The following GUCY1A1 variants were observed in gnomAD, a reference collection of about 807,000 sequenced individuals.
GUCY1A1 encodes the protein guanylate cyclase 1 soluble subunit alpha 1, also known as guanylate cyclase soluble subunit alpha-1.
Under a neutral mutation model 64.5 loss-of-function variants are expected in GUCY1A1, and 48 were observed. That is an observed-to-expected ratio of 0.74 (90% CI 0.59 to 0.95). The LOEUF is 0.95. Among genes scored for constraint, GUCY1A1 ranks in the 40% least tolerant of loss-of-function variants. The pLI is 0.00. For synonymous variants in GUCY1A1, 308 were observed against 303.4 expected (o/e 1.02, Z -0.16); for missense variants, 804 against 825.3 (o/e 0.97, Z 0.32).
intron 2 of GUCY1A1, among the ~76,000 whole-genome samples, chr4:155,674,529 G>T (rs1734625726): frequency 6.6e-6 from 1 of 151,318 alleles, no homozygotes; most frequent in Non-Finnish European, 1.5e-5. Flanking sequence ...TATTCTAACA[G>T]ATTTTTTCTA....
intron 2 of GUCY1A1, among the ~76,000 whole-genome samples, chr4:155,682,510 A>G (rs995795555): frequency 1.3e-5 from 2 of 152,042 alleles, no homozygotes; most frequent in African/African-American, 4.8e-5. Flanking sequence ...TCTCTACTAA[A>G]AATACAAAAG....
In GUCY1A1 at chr4:155,722,161, C is replaced by T. The variant is rs1437690929; in HGVS notation, c.1840C>T (p.Arg614Ter). Residue 614 changes from arginine (R) to a stop codon, truncating the protein, a stop_gained, in exon 9 of 10, where the codon CGA (arginine) becomes TGA (stop). Coordinates refer to ENST00000506455, the MANE Select transcript of GUCY1A1 (RefSeq NM_001130682.3). LOFTEE classifies it high-confidence loss of function. The stretch of plus-strand genomic sequence containing the variant: ...CAAATTTGAGTCCTGCAGTGTACCA[C>T]GAAAAATCAATGTCAGCCCAACAAC... ...ANKFESCSVP[R>*]KINVSPTTYR... 10 of 1,612,288 alleles carry T rather than the reference C, an allele frequency of 6.2e-6. No individual in the cohort carries two copies. Among genetic ancestry groups the T allele is most frequent in the African/African-American group, 1.3e-5 (1 of 74,920 alleles).
chr4:155,713,678 C>T, intron 7 of GUCY1A1, 95 bp downstream of exon 7: 6 of 1,361,634 alleles, frequency 4.4e-6, no homozygotes, highest in Non-Finnish European at 6.1e-6. Context: ...AACTGAAAGG[C>T]CACCTCTGTA....
chr4:155,713,457 G>A lies in GUCY1A1; in HGVS notation c.1446G>A (p.Met482Ile). ...VQAKKFSNVT[M>I]LFSDIVGFTA... is the part of the protein sequence containing the mutation. ...CCAAGAAGTTCAGTAATGTCACCAT[G>A]CTCTTCTCAGACATCGTTGGGTTCA... is the stretch of plus-strand genomic sequence containing the variant. Residue 482 changes from methionine to isoleucine, a missense_variant, in exon 7 of 10, where the codon ATG becomes ATA. Coordinates refer to ENST00000506455, the MANE Select transcript of GUCY1A1 (RefSeq NM_001130682.3). The A allele has an allele frequency of 6.2e-7, 1 of 1,614,160 alleles. No individual in the cohort carries two copies. Among genetic ancestry groups the A allele is most frequent in the Non-Finnish European group, 8.5e-7 (1 of 1,180,010 alleles).
At chr4:155,680,358 T>G (rs1439784972) in intron 2 of GUCY1A1, among the ~76,000 whole-genome samples, 1 of 152,240 alleles carries the variant, frequency 6.6e-6, no homozygotes, top group African/African-American at 2.4e-5. Flanking sequence ...TAATGGAATT[T>G]TGTATATCAG....
At chr4:155,722,387 A>T (rs1734084118) in intron 9 of GUCY1A1, 195 bp downstream of exon 9, 1 of 1,398,218 alleles carries the variant, frequency 7.2e-7, no homozygotes, top group Non-Finnish European at 9.3e-7. Flanking sequence ...GACTTGCCTG[A>T]GGTGTTTGTG....
chr4:155,711,067 T>G lies in GUCY1A1; in HGVS notation c.902T>G (p.Phe301Cys), dbSNP rs764446987. The part of the protein sequence containing the change: ...MFDKDMTILQ[F>C]GNGIRRLMNR... ...GACAAAGATATGACAATTCTGCAAT[T>G]TGGCAATGGCATCAGAAGGCTGATG... The change falls in exon 6 of 10, where the codon TTT becomes TGT. Residue 301 changes from phenylalanine (F) to cysteine (C), a missense_variant. Physicochemically the swap from Phe to Cys is radical, Grantham distance 205. Transcript: ENST00000506455. 2.6e-5 allele frequency: 42 copies of G among 1,613,958 alleles called. No homozygotes were observed. The highest frequency in any genetic ancestry group is 3.5e-5 in the Non-Finnish European group (41 of 1,179,960).
chr4:155,722,042 G>A lies in GUCY1A1; in HGVS notation c.1721G>A (p.Arg574Gln), dbSNP rs1469450686. Residue 574 changes from arginine (R) to glutamine (Q), a missense_variant, in exon 9 of 10, where the codon CGA (arginine) becomes CAA (glutamine). Arg to Gln is a conservative substitution (Grantham distance 43). Coordinates refer to ENST00000506455, the MANE Select transcript of GUCY1A1 (RefSeq NM_001130682.3). Reference protein sequence around the residue: ...MSPHGEPIKMRIGLHSGSVFA... With the variant: ...MSPHGEPIKMQIGLHSGSVFA... ...CATGTTATTTTTTGCTTTCAGATGC[G>A]AATTGGACTGCACTCTGGATCAGTT... is the stretch of plus-strand genomic sequence containing the variant. 8.7e-6 allele frequency: 14 copies of A among 1,610,120 alleles called. No homozygotes were observed. The highest frequency in any genetic ancestry group is 2.7e-5 in the African/African-American group (2 of 74,780).
chr4:155,700,427 A>G (rs1730931243), intron 3 of GUCY1A1, among the ~76,000 whole-genome samples: 2 of 152,206 alleles, frequency 1.3e-5, no homozygotes, highest in Admixed American at 6.5e-5. Flanking sequence ...TAGGAAAATT[A>G]AAAAGCCAAT....
chr4:155,699,504 C>A (rs147190801), intron 3 of GUCY1A1, among the ~76,000 whole-genome samples: 1 of 152,222 alleles, frequency 6.6e-6, no homozygotes, highest in African/African-American at 2.4e-5. Flanking sequence ...ACTACAGTGT[C>A]ATGTAACAGA....
chr4:155,717,231 A>G lies in GUCY1A1; in HGVS notation c.1645A>G (p.Ile549Val), dbSNP rs1233802822. ...HKESDTHAVQ[I>V]ALMALKMMEL... Reference sequence around the variant, plus strand: ...AGAGAGTGATACTCATGCTGTTCAGATAGCGCTGATGGCCCTGAAGATGAT... The same window carrying G: ...AGAGAGTGATACTCATGCTGTTCAGGTAGCGCTGATGGCCCTGAAGATGAT... Residue 549 changes from isoleucine to valine, a missense_variant, in exon 8 of 10, where the codon ATA becomes GTA. Ile to Val is a conservative substitution (Grantham distance 29). Coordinates refer to ENST00000506455, the MANE Select transcript of GUCY1A1 (RefSeq NM_001130682.3). 1 of 1,600,090 alleles carries G rather than the reference A, an allele frequency of 6.2e-7. No homozygotes were observed.
At chr4:155,701,185 G>A (rs571647193) in intron 3 of GUCY1A1, among the ~76,000 whole-genome samples, 1 of 152,136 alleles carries the variant, frequency 6.6e-6, no homozygotes, top group African/African-American at 2.4e-5. Context: ...GTTTTGTTTT[G>A]AATTTACAAA....
chr4:155,688,729 G>C (rs1729339232), intron 2 of GUCY1A1, among the ~76,000 whole-genome samples: 1 of 151,472 alleles, frequency 6.6e-6, no homozygotes. Flanking sequence ...AAGGACTTAG[G>C]GAAAAAATGT....
At chr4:155,709,324 C>G (rs1485924262) in intron 5 of GUCY1A1, among the ~76,000 whole-genome samples, 5 of 152,218 alleles carry the variant, frequency 3.3e-5, no homozygotes, top group African/African-American at 9.6e-5. Context: ...TCTTCTTCAC[C>G]ATACCCACCC....
intron 2 of GUCY1A1, among the ~76,000 whole-genome samples, chr4:155,687,305 T>C (rs1560923103): frequency 6.6e-6 from 1 of 152,192 alleles, no homozygotes; most frequent in South Asian, 2.1e-4. Flanking sequence ...AGAGCTCTAG[T>C]AGAAGAAGCA....
Position 155,730,210 on chromosome 4 carries a change from C to A in GUCY1A1, c.2052C>A (p.Gly684=). ...AAGATGGCAATGCCAATTTTTTAGG[C>A]AAAGCATCAGGAATAGATTAGCAAC... The part of the protein sequence containing the change: ...DVEDGNANFL[G]KASGID Residue 684 remains glycine, a synonymous_variant, in exon 10 of 10, where the codon GGC becomes GGA. Coordinates refer to ENST00000506455, the MANE Select transcript of GUCY1A1 (RefSeq NM_001130682.3). The A allele has an allele frequency of 6.2e-7, 1 of 1,608,650 alleles. No homozygotes were observed. Among genetic ancestry groups the A allele is most frequent in the Non-Finnish European group, 8.5e-7 (1 of 1,175,734 alleles).
At chr4:155,720,236 A>G (rs887632266) in intron 8 of GUCY1A1, among the ~76,000 whole-genome samples, 1 of 152,144 alleles carries the variant, frequency 6.6e-6, no homozygotes, top group Non-Finnish European at 1.5e-5. Flanking sequence ...AAGTATAGGA[A>G]GAAAAACTGG....
intron 4 of GUCY1A1, 128 bp downstream of exon 4, chr4:155,704,121 G>GCTGA: frequency 1.8e-6 from 1 of 568,168 alleles, no homozygotes; most frequent in Non-Finnish European, 3.2e-6. Flanking sequence ...ACTGGACTTA[G>GCTGA]TACTTTAGCT....
At position 155,676,300 on chromosome 4, in the gene GUCY1A1, G is replaced by GTTTT. The variant is rs10532055; in HGVS notation, c.-113+8897_-113+8900dup. Among the ~76,000 whole-genome samples, 92 of 140,920 alleles carry GTTTT rather than the reference G, an allele frequency of 6.5e-4. 1 individual carries two copies. The highest frequency in any genetic ancestry group is 3.5e-3 in the Middle Eastern group (1 of 282). The allele number at this position is 140,920 out of a possible 152,430, so 92.4% of individuals were successfully genotyped here. On this transcript the variant is annotated intron_variant, in intron 2 of 9. Transcript: ENST00000506455. ...GCAAAGAATGTCCTAAGAAGAGCTG[G>GTTTT]TTTTTTTTTTTTTTTTTTTAACAAT... is the stretch of plus-strand genomic sequence containing the variant.
Sources: allele counts gnomAD v4.1 joint callset (sites outside exome capture counted in the v4.1 genomes callset), GRCh38; gene constraint gnomAD v4.1.1; transcripts MANE v1.5; gene names NCBI Gene and HGNC (gene_info 2026-07-23, HGNC 2026-07-21).